SMAD2: variants seen among roughly 807,000 people sequenced by gnomAD.
SMAD2 encodes the protein MAD homolog 2.
Under a neutral mutation model 64.4 loss-of-function variants are expected in SMAD2, and 8 were observed. The ratio of observed to expected loss-of-function variants is 0.12; its 90% CI spans 0.07 to 0.22. The LOEUF (loss-of-function observed/expected upper bound fraction) is 0.22, where lower values mean the gene tolerates loss of function less well. SMAD2 is among the 10% of genes least tolerant of loss of function. The pLI is 1.00. For missense variants in SMAD2, 289 were observed against 561.2 expected, an observed-to-expected ratio of 0.51 and a Z score of 4.90; for synonymous variants, 203 against 195.8, an observed-to-expected ratio of 1.04 and a Z score of -0.31.
intron 1 of SMAD2, among the ~76,000 whole-genome samples, chr18:47,926,524 C>T (rs1438899435): frequency 6.6e-6 from 1 of 152,128 alleles, no homozygotes; most frequent in Non-Finnish European, 1.5e-5. Context: ...CCACCACACC[C>T]CCTCTAAGCC....
intron 8 of SMAD2, among the ~76,000 whole-genome samples, chr18:47,846,440 G>A (rs577548226): frequency 6.6e-6 from 1 of 152,244 alleles, no homozygotes; most frequent in African/African-American, 2.4e-5. Flanking sequence ...GCCCTGAGGT[G>A]CACATACATT....
At chr18:47,845,631 T>C (rs755495264) in intron 9 of SMAD2, 32 bp downstream of exon 9, 1 of 1,612,266 alleles carries the variant, frequency 6.2e-7, no homozygotes, top group Non-Finnish European at 8.5e-7. Flanking sequence ...CAAGTTGACA[T>C]GATAGGTTTA....
chr18:47,927,628 G>A (rs796392044), intron 1 of SMAD2, among the ~76,000 whole-genome samples: 12 of 152,336 alleles, frequency 7.9e-5, no homozygotes, highest in African/African-American at 1.9e-4. Flanking sequence ...GGCCAGGCGC[G>A]GTGACTCACG....
At chr18:47,849,577 G>A (rs981257929) in intron 7 of SMAD2, among the ~76,000 whole-genome samples, 2 of 151,818 alleles carry the variant, frequency 1.3e-5, no homozygotes, top group Non-Finnish European at 2.9e-5. Flanking sequence ...ACCCTTAGAT[G>A]TTCAAGTCCC....
intron 1 of SMAD2, among the ~76,000 whole-genome samples, chr18:47,903,078 A>C (rs2033751073): frequency 6.6e-6 from 1 of 152,104 alleles, no homozygotes; most frequent in South Asian, 2.1e-4. Context: ...ATCTCCCATA[A>C]ATGCAAAAAA....
chr18:47,917,480 C>A (rs189048462), intron 1 of SMAD2, among the ~76,000 whole-genome samples: 9 of 152,252 alleles, frequency 5.9e-5, no homozygotes, highest in African/African-American at 1.4e-4. Flanking sequence ...GATATTTCAG[C>A]TTATTTTCTA....
chr18:47,919,520 A>ACACAC (rs1568117007), intron 1 of SMAD2, among the ~76,000 whole-genome samples: 3 of 145,850 alleles, frequency 2.1e-5, no homozygotes, highest in Admixed American at 6.8e-5. Context: ...ACACACACAC[A>ACACAC]AAGAATAGGA....
Position 47,864,507 on chromosome 18 carries a change from G to T in SMAD2, c.730+552C>A, listed in dbSNP as rs1329755396. Reference sequence around the variant, plus strand: ...TGACATCAAAGTGATTTCACTGGTAGTTTATTAGTTCTGCTGAGTTATACA... The same window carrying T: ...TGACATCAAAGTGATTTCACTGGTATTTTATTAGTTCTGCTGAGTTATACA... On this transcript the variant is annotated intron_variant, in intron 6 of 10. Transcript: ENST00000262160. Among the ~76,000 whole-genome samples the T allele has an allele frequency of 2.0e-5, 3 of 152,284 alleles. No homozygotes were observed. The East Asian group carries it at 5.8e-4, about 29-fold the overall frequency.
chr18:47,888,495 G>C (rs1047829517), intron 2 of SMAD2, among the ~76,000 whole-genome samples: 1 of 152,146 alleles, frequency 6.6e-6, no homozygotes. Context: ...CTCATACTTC[G>C]AAAAAGTAGA....
chr18:47,826,385 T>G lies in SMAD2; in HGVS notation c.*15442A>C, dbSNP rs1006937353. The G allele has an allele frequency of 6.6e-6, 1 of 152,270 alleles. No homozygotes were observed. The highest frequency in any genetic ancestry group is 1.5e-5 in the Non-Finnish European group (1 of 68,062). 9.4% of individuals were successfully genotyped at this position (152,270 alleles called of 1,614,324 possible). A position where few individuals can be genotyped will look rare whatever the true frequency, so the allele number is the denominator to read the frequency against. On this transcript the variant is annotated 3_prime_UTR_variant, in exon 11 of 11. Coordinates refer to ENST00000262160, the MANE Select transcript of SMAD2 (RefSeq NM_005901.6). The stretch of plus-strand genomic sequence containing the variant: ...CTCCCTTGGTCTAATAACTCTGTAG[T>G]GCCTTTCCACACTGGGTTTAGCCAT...
chr18:47,909,361 A>C (rs1284168112), intron 1 of SMAD2, among the ~76,000 whole-genome samples: 1 of 152,238 alleles, frequency 6.6e-6, no homozygotes, highest in Non-Finnish European at 1.5e-5. Context: ...GGCTTAAAAA[A>C]TGTCAAGATA....
chr18:47,841,242 C>T lies in SMAD2; in HGVS notation c.*585G>A, dbSNP rs1032268010. 12 of 232,928 alleles carry T rather than the reference C, an allele frequency of 5.2e-5. No individual in the cohort carries two copies. The highest frequency in any genetic ancestry group is 8.8e-5 in the African/African-American group (4 of 45,226). 14.4% of individuals were successfully genotyped at this position (232,928 alleles called of 1,614,324 possible). On this transcript the variant is annotated 3_prime_UTR_variant, in exon 11 of 11. Transcript: ENST00000262160. ...GTCAAGGATTTCAAAAGTTAATCCACTTTTCTTCCCCCAAGAGTTTATTTT... is the reference window on the plus strand; with the variant it reads ...GTCAAGGATTTCAAAAGTTAATCCATTTTTCTTCCCCCAAGAGTTTATTTT...
intron 6 of SMAD2, among the ~76,000 whole-genome samples, chr18:47,852,179 T>C (rs980552332): frequency 6.6e-6 from 1 of 152,200 alleles, no homozygotes; most frequent in African/African-American, 2.4e-5. Context: ...AAGCTCTTTA[T>C]GTGTATTAGG....
intron 1 of SMAD2, chr18:47,920,233 A>G (rs2034508628): frequency 6.6e-6 from 1 of 152,178 alleles, no homozygotes; most frequent in South Asian, 2.1e-4. Context: ...CCCATTCATG[A>G]GGGCTCTACC....
Position 47,845,667 on chromosome 18 carries a change from T to G in SMAD2, c.1131A>C (p.Pro377=). The change falls in exon 9 of 11, where the codon CCA becomes CCC. Residue 377 remains proline, a synonymous_variant. Transcript: ENST00000262160. The part of the protein sequence containing the change: ...GWHPATVCKI[P]PGCNLKIFNN... Reference sequence around the variant, plus strand: ...TGTACATTATTGAATCCATACCTGGTGGAATTTTACACACTGTTGCAGGGT... The same window carrying G: ...TGTACATTATTGAATCCATACCTGGGGGAATTTTACACACTGTTGCAGGGT... The G allele has an allele frequency of 6.2e-7, 1 of 1,613,950 alleles. No homozygotes were observed. Among genetic ancestry groups the G allele is most frequent in the Non-Finnish European group, 8.5e-7 (1 of 1,179,868 alleles).
chr18:47,924,935 T>C (rs576637102), intron 1 of SMAD2, among the ~76,000 whole-genome samples: 1 of 152,242 alleles, frequency 6.6e-6, no homozygotes, highest in African/African-American at 2.4e-5. Context: ...AGATTCACTA[T>C]GCTACTTCCT....
At chr18:47,866,504 A>C (rs2031571895) in intron 5 of SMAD2, among the ~76,000 whole-genome samples, 1 of 151,832 alleles carries the variant, frequency 6.6e-6, no homozygotes, top group Admixed American at 6.6e-5. Flanking sequence ...TCATATACTC[A>C]AAGAACATAA....
At chr18:47,846,972 G>T (rs1020810555) in intron 8 of SMAD2, among the ~76,000 whole-genome samples, 1 of 152,126 alleles carries the variant, frequency 6.6e-6, no homozygotes, top group Non-Finnish European at 1.5e-5. Context: ...AAACAGTCAT[G>T]CACGTGGTCA....
chr18:47,833,657 G>A lies in SMAD2; in HGVS notation c.*8170C>T. On this transcript the variant is annotated 3_prime_UTR_variant, in exon 11 of 11. Coordinates refer to ENST00000262160, the MANE Select transcript of SMAD2 (RefSeq NM_005901.6). Reference sequence around the variant, plus strand: ...TATGAGTATGAGGCTACAATTGAGAGAAACTGCTCAGTCTGCATCAGGACA... The same window carrying A: ...TATGAGTATGAGGCTACAATTGAGAAAAACTGCTCAGTCTGCATCAGGACA... 4.3e-6 allele frequency: 1 copy of A among 231,008 alleles called. No homozygotes were observed. The highest frequency in any genetic ancestry group is 6.1e-5 in the East Asian group (1 of 16,382). The allele number at this position is 231,008 out of a possible 1,614,324, so 14.3% of individuals were successfully genotyped here.
Sources: allele counts gnomAD v4.1 joint callset (sites outside exome capture counted in the v4.1 genomes callset), GRCh38; gene constraint gnomAD v4.1.1; transcripts MANE v1.5; gene names NCBI Gene and HGNC (gene_info 2026-07-23, HGNC 2026-07-21).